The following GALNT1 variants were observed in gnomAD, a reference collection of about 807,000 sequenced individuals.
The protein encoded by GALNT1 is GalNAc transferase 1.
Under a neutral mutation model 65.7 loss-of-function variants are expected in GALNT1, and 17 were observed. The ratio of observed to expected loss-of-function variants is 0.26; its 90% CI spans 0.18 to 0.39. The LOEUF (loss-of-function observed/expected upper bound fraction) is 0.39, where lower values mean the gene tolerates loss of function less well. Ranked by LOEUF, GALNT1 falls within the 10% of genes least tolerant of loss-of-function variation. The pLI is 1.00. For missense variants in GALNT1, 460 were observed against 672.8 expected, an observed-to-expected ratio of 0.68 and a Z score of 3.50; for synonymous variants, 210 against 219.7, an observed-to-expected ratio of 0.96 and a Z score of 0.39.
chr18:35,628,832 G>A (rs1190087269), intron 1 of GALNT1, among the ~76,000 whole-genome samples: 1 of 152,132 alleles, frequency 6.6e-6, no homozygotes, highest in Admixed American at 6.6e-5. Context: ...AAGATTAGAC[G>A]AATGGCTAAC....
At chr18:35,672,448 G>A (rs536934633) in intron 3 of GALNT1, among the ~76,000 whole-genome samples, 2 of 152,332 alleles carry the variant, frequency 1.3e-5, no homozygotes, top group South Asian at 2.1e-4. Context: ...TCCCCGAGGT[G>A]GAAGGAAGAA....
chr18:35,631,724 A>C, intron 1 of GALNT1, among the ~76,000 whole-genome samples: 1 of 152,136 alleles, frequency 6.6e-6, no homozygotes, highest in Non-Finnish European at 1.5e-5. Flanking sequence ...AGGCAGGAGA[A>C]AGAAATAAAG....
At chr18:35,626,281 A>T (rs1425679066) in intron 1 of GALNT1, among the ~76,000 whole-genome samples, 1 of 152,232 alleles carries the variant, frequency 6.6e-6, no homozygotes, top group Non-Finnish European at 1.5e-5. Context: ...GTTTGTGTGC[A>T]TCAGACTGCT....
chr18:35,690,273 A>C (rs2047938135), intron 7 of GALNT1, among the ~76,000 whole-genome samples: 1 of 152,060 alleles, frequency 6.6e-6, no homozygotes, highest in Non-Finnish European at 1.5e-5. Flanking sequence ...GTCTCACTGA[A>C]GAACTTACAA....
rs2046321223 is a variant in GALNT1 at position 35,581,814 on chromosome 18, G to GC, written c.-152_-151insC. 1 of 4,570 alleles carries GC rather than the reference G, an allele frequency of 2.2e-4. No homozygotes were observed. The highest frequency in any genetic ancestry group is 1.3e-3 in the African/African-American group (1 of 796). 0.3% of individuals were successfully genotyped at this position (4,570 alleles called of 1,614,324 possible). On this transcript the variant is annotated 5_prime_UTR_variant, in exon 1 of 12. Coordinates refer to ENST00000269195, the MANE Select transcript of GALNT1 (RefSeq NM_020474.4). ...CCGCGGGACCGGCCGCGACCGCCGC[G>GC]GCCGGCCCGGAGGACGCCTGCCGCC...
intron 11 of GALNT1, among the ~76,000 whole-genome samples, chr18:35,704,623 TA>T (rs1241077913): frequency 6.7e-5 from 10 of 149,664 alleles, no homozygotes; most frequent in African/African-American, 2.0e-4. Flanking sequence ...TTTTCTAATT[TA>T]TTTTTTTTTA....
rs546340742 is a variant in GALNT1 at position 35,686,915 on chromosome 18, GAAAAAAT to G, written c.690-88_690-82del. 7.7e-5 allele frequency: 93 copies of G among 1,204,602 alleles called. 1 individual carries two copies. In the East Asian group the frequency reaches 2.0e-3, roughly 26 times the overall value. The allele number at this position is 1,204,602 out of a possible 1,614,324, so 74.6% of individuals were successfully genotyped here. On this transcript the variant is annotated intron_variant, in intron 5 of 11. Transcript: ENST00000269195. ...AGAGTAGTGATACCCTGTTTCAAGG[GAAAAAAT>G]AAAAAATAAAAACACTTACTATACA...
chr18:35,587,414 G>A (rs1486431573), intron 1 of GALNT1, among the ~76,000 whole-genome samples: 3 of 152,206 alleles, frequency 2.0e-5, no homozygotes, highest in South Asian at 2.1e-4. Context: ...AGAAAGGACA[G>A]TCTTTGTGAT....
chr18:35,693,847 A>T (rs973816332), intron 9 of GALNT1, among the ~76,000 whole-genome samples: 1 of 152,142 alleles, frequency 6.6e-6, no homozygotes, highest in Admixed American at 6.5e-5. Context: ...TCACCTGAGG[A>T]GGAGAAAATG....
intron 9 of GALNT1, 60 bp from the exon 10 acceptor site, chr18:35,702,837 A>G (rs2048187486): frequency 8.8e-7 from 1 of 1,131,592 alleles, no homozygotes. Flanking sequence ...ATGTGTGTGT[A>G]TCTGTCTGTC....
chr18:35,689,329 TC>T, intron 7 of GALNT1, 39 bp downstream of exon 7: 1 of 1,154,400 alleles, frequency 8.7e-7, no homozygotes, highest in Middle Eastern at 2.0e-4. Flanking sequence ...TTATTTAACT[TC>T]AAGTATAGAT....
At chr18:35,709,562 A>G (rs1157606460) in intron 11 of GALNT1, 62 bp from the exon 12 acceptor site, 2 of 1,574,392 alleles carry the variant, frequency 1.3e-6, no homozygotes, top group East Asian at 2.2e-5. Context: ...TTAATCACCA[A>G]AACTGATGCT....
chr18:35,696,755 G>A (rs900009357), intron 9 of GALNT1, among the ~76,000 whole-genome samples: 1 of 152,116 alleles, frequency 6.6e-6, no homozygotes, highest in Non-Finnish European at 1.5e-5. Flanking sequence ...TAAAAAACAC[G>A]GCTAAACTCA....
chr18:35,690,030 C>T (rs1017901255), intron 7 of GALNT1, among the ~76,000 whole-genome samples: 1 of 152,010 alleles, frequency 6.6e-6, no homozygotes, highest in African/African-American at 2.4e-5. Context: ...ACTTATAATC[C>T]TGGGAAAACT....
chr18:35,652,948 C>G (rs2144378442), intron 1 of GALNT1, among the ~76,000 whole-genome samples: 1 of 152,344 alleles, frequency 6.6e-6, no homozygotes. Context: ...AATCAGACTG[C>G]TTTGCCAGTG....
intron 9 of GALNT1, among the ~76,000 whole-genome samples, chr18:35,699,516 A>G (rs867429321): frequency 2.0e-5 from 3 of 152,244 alleles, no homozygotes; most frequent in South Asian, 2.1e-4. Context: ...TTGGTAGTGT[A>G]ATAAGACCAC....
chr18:35,587,094 A>C (rs2046386587), intron 1 of GALNT1, among the ~76,000 whole-genome samples: 1 of 152,116 alleles, frequency 6.6e-6, no homozygotes, highest in African/African-American at 2.4e-5. Context: ...TTTGTAAGTA[A>C]ATATTTCTTT....
At chr18:35,650,162 G>T (rs2047291297) in intron 1 of GALNT1, among the ~76,000 whole-genome samples, 1 of 152,132 alleles carries the variant, frequency 6.6e-6, no homozygotes, top group Non-Finnish European at 1.5e-5. Flanking sequence ...GAAATAAACG[G>T]AGAGAGTACA....
At chr18:35,636,579 T>C (rs547517289) in intron 1 of GALNT1, among the ~76,000 whole-genome samples, 1 of 152,202 alleles carries the variant, frequency 6.6e-6, no homozygotes, top group Non-Finnish European at 1.5e-5. Flanking sequence ...GTGAATGGCA[T>C]GTCTCTTAGA....
Sources: allele counts gnomAD v4.1 joint callset (sites outside exome capture counted in the v4.1 genomes callset), GRCh38; gene constraint gnomAD v4.1.1; transcripts MANE v1.5; gene names NCBI Gene and HGNC (gene_info 2026-07-23, HGNC 2026-07-21).